TDRD3: variants seen among roughly 807,000 people sequenced by gnomAD.
TDRD3 encodes tudor domain-containing protein 3.
A neutral mutation model predicts 86.7 loss-of-function variants in TDRD3; 45 were observed. The observed-to-expected ratio is 0.52, with a 90% CI of 0.41 to 0.67. The LOEUF is 0.67. Ranked by LOEUF, TDRD3 falls within the 30% of genes least tolerant of loss-of-function variation. The probability of loss-of-function intolerance (pLI) is 0.00; values close to 1 mark genes in which losing one functional copy is unlikely to be tolerated. For missense variants in TDRD3, 814 were observed against 889.0 expected (o/e 0.92, Z 1.07); for synonymous variants, 298 against 301.7 (o/e 0.99, Z 0.13).
chr13:60,417,352 T>C (rs1262122290), intron 1 of TDRD3, among the ~76,000 whole-genome samples: 2 of 104,244 alleles, frequency 1.9e-5, no homozygotes, highest in Non-Finnish European at 4.4e-5. Context: ...ACTAATTTCA[T>C]TTTTTTTTTT....
At chr13:60,463,290 A>T (rs1207646616) in intron 4 of TDRD3, among the ~76,000 whole-genome samples, 1 of 146,550 alleles carries the variant, frequency 6.8e-6, no homozygotes, top group Non-Finnish European at 1.5e-5. Flanking sequence ...TGAACCCAGG[A>T]GGCAGAGTTT....
chr13:60,498,517 CT>C (rs1473527964), intron 8 of TDRD3, among the ~76,000 whole-genome samples: 2 of 152,020 alleles, frequency 1.3e-5, no homozygotes, highest in Non-Finnish European at 2.9e-5. Flanking sequence ...GATAGGAAGC[CT>C]ACTGCATTCC....
chr13:60,547,511 T>G, intron 12 of TDRD3: 2 of 565,910 alleles, frequency 3.5e-6, no homozygotes, highest in South Asian at 7.8e-5. Flanking sequence ...CTAATATCTC[T>G]GGGTCCCAGT....
chr13:60,427,584 T>G (rs1240466109), intron 1 of TDRD3, among the ~76,000 whole-genome samples: 1 of 152,180 alleles, frequency 6.6e-6, no homozygotes, highest in Non-Finnish European at 1.5e-5. Flanking sequence ...GTCTTTCCTT[T>G]GACTGATCTC....
intron 1 of TDRD3, among the ~76,000 whole-genome samples, chr13:60,426,479 G>A (rs1287392040): frequency 1.3e-5 from 2 of 152,108 alleles, no homozygotes; most frequent in Non-Finnish European, 2.9e-5. Context: ...CTTCACTATG[G>A]TAACTATTTT....
chr13:60,458,538 A>C (rs1048960844), intron 3 of TDRD3, among the ~76,000 whole-genome samples: 21 of 152,100 alleles, frequency 1.4e-4, no homozygotes, highest in African/African-American at 5.1e-4. Flanking sequence ...GATTTTTTTG[A>C]CTACTAAACA....
chr13:60,556,551 C>T (rs1485183299), intron 12 of TDRD3, among the ~76,000 whole-genome samples: 1 of 152,170 alleles, frequency 6.6e-6, no homozygotes, highest in African/African-American at 2.4e-5. Context: ...GTAAGCATTT[C>T]ATTTGATGGC....
rs1261485791 is a variant in TDRD3 at position 60,528,507 on chromosome 13, C to T, written c.1282C>T (p.Arg428Cys). The T allele has an allele frequency of 1.2e-6, 2 of 1,613,938 alleles. No individual in the cohort carries two copies. Among genetic ancestry groups the T allele is most frequent in the Admixed American group, 3.3e-5 (2 of 59,998 alleles). The change falls in exon 11 of 14, where the codon CGT (arginine) becomes TGT (cysteine). Residue 428 changes from arginine (R) to cysteine (C), a missense_variant. Coordinates refer to ENST00000377881, the MANE Select transcript of TDRD3 (RefSeq NM_001146070.2). ...GCAGCCAAGAAATGAAAAACCGCCTCGTTTTCAAAGAGACTCCCAAAATTC... is the reference window on the plus strand; with the variant it reads ...GCAGCCAAGAAATGAAAAACCGCCTTGTTTTCAAAGAGACTCCCAAAATTC... Reference protein sequence around the residue: ...TRQPRNEKPPRFQRDSQNSKS... With the variant: ...TRQPRNEKPPCFQRDSQNSKS...
intron 1 of TDRD3, among the ~76,000 whole-genome samples, chr13:60,404,456 G>A (rs1311551295): frequency 2.0e-5 from 3 of 149,810 alleles, no homozygotes; most frequent in South Asian, 4.2e-4. Flanking sequence ...GACTACAGGC[G>A]CCCGCCACTA....
intron 10 of TDRD3, among the ~76,000 whole-genome samples, chr13:60,517,684 A>C (rs894482048): frequency 1.3e-5 from 2 of 152,210 alleles, no homozygotes; most frequent in Non-Finnish European, 2.9e-5. Context: ...TTCGTTTTGA[A>C]GTGCAAATGT....
intron 8 of TDRD3, among the ~76,000 whole-genome samples, chr13:60,495,224 G>A (rs1346883797): frequency 1.3e-5 from 2 of 152,120 alleles, no homozygotes; most frequent in African/African-American, 2.4e-5. Context: ...ACAAGTGTTG[G>A]TAAATTCAGC....
At chr13:60,460,958 A>C (rs571427239) in intron 4 of TDRD3, 1 of 152,372 alleles carries the variant, frequency 6.6e-6, no homozygotes, top group Admixed American at 6.5e-5. Flanking sequence ...AGCTGAGATC[A>C]TGCCATTGCA....
intron 3 of TDRD3, among the ~76,000 whole-genome samples, chr13:60,447,077 A>T (rs768899516): frequency 5.3e-5 from 8 of 152,220 alleles, no homozygotes; most frequent in Non-Finnish European, 8.8e-5. Flanking sequence ...GATATTTTCT[A>T]GTTTTCTTTT....
chr13:60,490,056 T>TG (rs1956550192), intron 7 of TDRD3, among the ~76,000 whole-genome samples: 1 of 149,192 alleles, frequency 6.7e-6, no homozygotes, highest in Non-Finnish European at 1.5e-5. Flanking sequence ...CTTAGTTTTT[T>TG]TTTTTTTTTT....
chr13:60,507,151 A>G (rs1260945331), intron 8 of TDRD3, among the ~76,000 whole-genome samples: 1 of 152,216 alleles, frequency 6.6e-6, no homozygotes, highest in Admixed American at 6.5e-5. Flanking sequence ...AGAGCTAACT[A>G]TCCCAAATAT....
chr13:60,405,462 A>G (rs1954212742), intron 1 of TDRD3, among the ~76,000 whole-genome samples: 1 of 152,200 alleles, frequency 6.6e-6, no homozygotes, highest in Non-Finnish European at 1.5e-5. Context: ...GTGGTCAGAG[A>G]ATAGCAGAAT....
intron 3 of TDRD3, among the ~76,000 whole-genome samples, chr13:60,446,598 C>A (rs919791086): frequency 6.6e-6 from 1 of 151,918 alleles, no homozygotes; most frequent in African/African-American, 2.4e-5. Context: ...ATTGTCTTCA[C>A]CAGTATTAAT....
chr13:60,419,335 T>C (rs534396606), intron 1 of TDRD3, among the ~76,000 whole-genome samples: 1 of 152,322 alleles, frequency 6.6e-6, no homozygotes, highest in East Asian at 1.9e-4. Flanking sequence ...GACTATTAGC[T>C]CTTCATAAAG....
intron 4 of TDRD3, among the ~76,000 whole-genome samples, chr13:60,464,418 A>G (rs1389892900): frequency 2.0e-5 from 3 of 152,118 alleles, no homozygotes; most frequent in Admixed American, 6.6e-5. Flanking sequence ...ATTCAAAAGA[A>G]AGGAAGTCAG....
Sources: gnomAD v4.1 joint callset for allele counts (sites outside exome capture counted in the v4.1 genomes callset) on GRCh38, gnomAD v4.1.1 for gene constraint, MANE v1.5 for transcripts, NCBI Gene and HGNC (gene_info 2026-07-23, HGNC 2026-07-21) for gene names.